The following GRIP1 variants were observed in gnomAD, a reference collection of about 807,000 sequenced individuals.
GRIP1 encodes glutamate receptor-interacting protein 1.
A neutral mutation model predicts 129.9 loss-of-function variants in GRIP1; 45 were observed. The observed-to-expected ratio is 0.35, with a 90% confidence interval of 0.27 to 0.44. GRIP1 has a LOEUF of 0.44. Among genes scored for constraint, GRIP1 ranks in the 20% least tolerant of loss-of-function variants. The pLI is 1.00. For missense variants in GRIP1, 1,196 were observed against 1,396.8 expected (o/e 0.86, Z 2.29); for synonymous variants, 530 against 520.8 (o/e 1.02, Z -0.24).
At chr12:66,946,034 C>T (rs2041663212) in intron 1 of GRIP1, among the ~76,000 whole-genome samples, 1 of 152,210 alleles carries the variant, frequency 6.6e-6, no homozygotes, top group African/African-American at 2.4e-5. Flanking sequence ...TTATTTACAG[C>T]TCTTGCACTT....
Position 66,734,263 on chromosome 12 carries a change from G to A in GRIP1, c.-420+69790C>T, listed in dbSNP as rs561005243. Among the ~76,000 whole-genome samples the A allele has an allele frequency of 6.8e-4, 104 of 152,206 alleles. 1 individual carries two copies. In the South Asian group the frequency reaches 0.022, roughly 32 times the overall value. On this transcript the variant is annotated intron_variant, in intron 1 of 4. Transcript: ENST00000538373. The stretch of plus-strand genomic sequence containing the variant: ...AATGTGTTTGGCACTGATACCTAGG[G>A]CTGAAAGCTGGCACTCAGCTCTCCA...
At chr12:66,735,928 G>A (rs2036580700) in intron 1 of GRIP1, among the ~76,000 whole-genome samples, 1 of 152,074 alleles carries the variant, frequency 6.6e-6, no homozygotes, top group Non-Finnish European at 1.5e-5. Flanking sequence ...GGGCAAAGAT[G>A]GCCCTTGGGA....
chr12:66,601,938 T>C (rs2064294984), intron 1 of GRIP1, among the ~76,000 whole-genome samples: 1 of 152,124 alleles, frequency 6.6e-6, no homozygotes, highest in South Asian at 2.1e-4. Flanking sequence ...GATGGCAGAA[T>C]CATTACTACC....
At chr12:66,758,679 C>T (rs975912208) in intron 1 of GRIP1, among the ~76,000 whole-genome samples, 1 of 152,152 alleles carries the variant, frequency 6.6e-6, no homozygotes, top group Non-Finnish European at 1.5e-5. Context: ...AATGGAGGTA[C>T]AGGTACTGGG....
rs780870259 is a variant in GRIP1 at position 66,353,379 on chromosome 12, T to A, written c.3159+38A>T. The A allele has an allele frequency of 4.0e-6, 6 of 1,489,036 alleles. No individual in the cohort carries two copies. The South Asian group carries it at 6.8e-5, about 17-fold the overall frequency. The allele number at this position is 1,489,036 out of a possible 1,614,324, so 92.2% of individuals were successfully genotyped here. A position where few individuals can be genotyped will look rare whatever the true frequency, so the allele number is the denominator to read the frequency against. ...TGTGGAGGAAGCTCCCAGTGAGAAA[T>A]TACTTGCAAGGAATTAAAATTCCAC... On this transcript the variant is annotated intron_variant, in intron 24 of 24. Transcript: ENST00000359742.
intron 1 of GRIP1, among the ~76,000 whole-genome samples, chr12:67,049,631 T>C (rs1427902079): frequency 4.0e-5 from 6 of 151,662 alleles, no homozygotes; most frequent in South Asian, 2.1e-4. Context: ...AAAACCTAGA[T>C]GATGGGTTGA....
intron 1 of GRIP1, among the ~76,000 whole-genome samples, chr12:66,841,154 A>C (rs2039708864): frequency 6.6e-6 from 1 of 152,220 alleles, no homozygotes; most frequent in South Asian, 2.1e-4. Context: ...GAAAATCCTC[A>C]GGGTGGAAGT....
In GRIP1 at chr12:66,473,141, G is replaced by A. The variant is rs994971190; in HGVS notation, c.725-7719C>T. Among the ~76,000 whole-genome samples the A allele has an allele frequency of 6.7e-4, 102 of 152,256 alleles. 1 individual carries two copies. The highest frequency in any genetic ancestry group is 2.4e-3 in the African/African-American group (99 of 41,558). Reference sequence around the variant, plus strand: ...CTTGGGATGCTGAAGTTTGGTGGGGGGAGGGGCGTCCCTCAATACTGGGGC... The same window carrying A: ...CTTGGGATGCTGAAGTTTGGTGGGGAGAGGGGCGTCCCTCAATACTGGGGC... On this transcript the variant is annotated intron_variant, in intron 7 of 24. Transcript: ENST00000359742.
chr12:66,448,495 T>C (rs1283084596), intron 11 of GRIP1, among the ~76,000 whole-genome samples: 1 of 152,184 alleles, frequency 6.6e-6, no homozygotes, highest in Non-Finnish European at 1.5e-5. Context: ...CCACATATTA[T>C]TTCCAGATGA....
chr12:66,934,071 T>C (rs940747755), intron 1 of GRIP1, among the ~76,000 whole-genome samples: 1 of 152,190 alleles, frequency 6.6e-6, no homozygotes, highest in African/African-American at 2.4e-5. Context: ...AATGGTACTT[T>C]CTTGTTGTTC....
At chr12:66,601,862 G>A (rs961126314) in intron 1 of GRIP1, among the ~76,000 whole-genome samples, 7 of 152,154 alleles carry the variant, frequency 4.6e-5, no homozygotes, top group Non-Finnish European at 1.0e-4. Flanking sequence ...ACACAATTTA[G>A]TACCTACTAT....
intron 1 of GRIP1, among the ~76,000 whole-genome samples, chr12:66,658,645 A>G (rs1019348111): frequency 2.6e-5 from 4 of 152,138 alleles, no homozygotes; most frequent in African/African-American, 9.6e-5. Flanking sequence ...ATGGTGCCTC[A>G]TGCCTGTAAT....
chr12:66,691,877 C>A (rs1347715971), intron 1 of GRIP1, among the ~76,000 whole-genome samples: 1 of 152,142 alleles, frequency 6.6e-6, no homozygotes, highest in Non-Finnish European at 1.5e-5. Flanking sequence ...AATGCACCAA[C>A]CGCTAAGACC....
At chr12:66,455,695 T>C (rs7976314) in intron 10 of GRIP1, 131 bp from the exon 11 acceptor site, 208,092 of 787,188 alleles carry the variant, frequency 0.26, 29,134 homozygotes, top group Middle Eastern at 0.36. Flanking sequence ...CCCAGCCAGC[T>C]AGAGGCCAGC....
chr12:67,027,506 G>A (rs773571240), intron 1 of GRIP1, among the ~76,000 whole-genome samples: 16 of 152,150 alleles, frequency 1.1e-4, no homozygotes, highest in African/African-American at 2.9e-4. Context: ...CTATAGTGAC[G>A]TGCAAAACCA....
At chr12:66,594,127 C>T (rs1273273216) in intron 2 of GRIP1, among the ~76,000 whole-genome samples, 1 of 150,426 alleles carries the variant, frequency 6.6e-6, no homozygotes, top group Non-Finnish European at 1.5e-5. Flanking sequence ...TACTCCCCAG[C>T]AGCTGGGACA....
intron 1 of GRIP1, among the ~76,000 whole-genome samples, chr12:66,975,457 T>C (rs2042137915): frequency 6.6e-6 from 1 of 152,150 alleles, no homozygotes; most frequent in Non-Finnish European, 1.5e-5. Context: ...AAATAGCAAA[T>C]TTGTGTGCGT....
chr12:66,890,508 T>C (rs1257692397), intron 1 of GRIP1, among the ~76,000 whole-genome samples: 1 of 152,206 alleles, frequency 6.6e-6, no homozygotes, highest in African/African-American at 2.4e-5. Context: ...CAAAACTGGA[T>C]AATGCTGAGT....
At chr12:66,481,951 G>A (rs763180618) in intron 7 of GRIP1, among the ~76,000 whole-genome samples, 5 of 151,936 alleles carry the variant, frequency 3.3e-5, no homozygotes, top group Non-Finnish European at 7.4e-5. Flanking sequence ...CCTGTCGGGG[G>A]GTGGGAGGCT....
Sources: gnomAD v4.1 joint callset for allele counts (sites outside exome capture counted in the v4.1 genomes callset) on GRCh38, gnomAD v4.1.1 for gene constraint, MANE v1.5 for transcripts, NCBI Gene and HGNC (gene_info 2026-07-23, HGNC 2026-07-21) for gene names.